Variants in GALNTL6 observed in about 807,000 individuals in gnomAD.
The protein encoded by GALNTL6 is polypeptide N-acetylgalactosaminyltransferase like 6, also known as polypeptide N-acetylgalactosaminyltransferase-like 6.
Under a neutral mutation model 73.7 loss-of-function variants are expected in GALNTL6, and 46 were observed. That is an observed-to-expected ratio of 0.62 (90% CI 0.49 to 0.80). The LOEUF is 0.80. Among genes scored for constraint, GALNTL6 ranks in the 30% least tolerant of loss-of-function variants. The pLI, the probability that GALNTL6 is intolerant of heterozygous loss-of-function variation, is 0.00. For synonymous variants in GALNTL6, 259 were observed against 263.7 expected, an observed-to-expected ratio of 0.98 and a Z score of 0.17; for missense variants, 604 against 755.0, an observed-to-expected ratio of 0.80 and a Z score of 2.34.
chr4:172,365,339 A>T (rs561544245), intron 5 of GALNTL6, among the ~76,000 whole-genome samples: 3 of 151,968 alleles, frequency 2.0e-5, no homozygotes, highest in East Asian at 3.9e-4. Flanking sequence ...TTATCTTAGA[A>T]TTGGAGTGTT....
At chr4:172,722,479 C>G (rs981316541) in intron 5 of GALNTL6, among the ~76,000 whole-genome samples, 3 of 152,130 alleles carry the variant, frequency 2.0e-5, no homozygotes, top group Non-Finnish European at 2.9e-5. Context: ...CACAAATCCA[C>G]TTTCATAAAA....
intron 10 of GALNTL6, among the ~76,000 whole-genome samples, chr4:172,957,058 T>C (rs180779399): frequency 4.9e-4 from 75 of 152,302 alleles, no homozygotes; most frequent in African/African-American, 1.5e-3. Flanking sequence ...CCAGTGAAAG[T>C]GTCTACCTAG....
chr4:172,476,007 T>C (rs1733217366), intron 5 of GALNTL6, among the ~76,000 whole-genome samples: 1 of 152,220 alleles, frequency 6.6e-6, no homozygotes, highest in Admixed American at 6.5e-5. Context: ...ATAACTGCAA[T>C]ACTATAAGTG....
intron 5 of GALNTL6, among the ~76,000 whole-genome samples, chr4:172,365,988 C>G (rs13101363): frequency 6.6e-6 from 1 of 151,860 alleles, no homozygotes. Flanking sequence ...TAACTTGAAA[C>G]CTGATGGTAG....
rs186716246 is a variant in GALNTL6, at chr4:172,619,017, C to T, written c.554-190344C>T. Among the ~76,000 whole-genome samples, 488 of 152,248 alleles carry T rather than the reference C, an allele frequency of 3.2e-3. 3 individuals carry two copies. Among genetic ancestry groups the T allele is most frequent in the African/African-American group, 0.011 (452 of 41,540 alleles). ...GATTACAGGCATGAGCCACAGCACCCGACCAATCACTAATTTTTTTTAGTG... is the reference window on the plus strand; with the variant it reads ...GATTACAGGCATGAGCCACAGCACCTGACCAATCACTAATTTTTTTTAGTG... On this transcript the variant is annotated intron_variant, in intron 5 of 12. Transcript: ENST00000506823.
rs570081857 is a variant in GALNTL6, at chr4:172,438,709, A to G, written c.553+90020A>G. ...CAGGTCTCATTTAAAATTTATGATC[A>G]GTAACCTCAAATGAGACATTAGTGT... On this transcript the variant is annotated intron_variant, in intron 5 of 12. Transcript: ENST00000506823. Among the ~76,000 whole-genome samples the G allele has an allele frequency of 1.4e-3, 220 of 151,966 alleles. 1 individual carries two copies. Among genetic ancestry groups the G allele is most frequent in the Non-Finnish European group, 2.9e-3 (198 of 67,948 alleles).
At chr4:172,260,948 G>A (rs1333354518) in intron 3 of GALNTL6, among the ~76,000 whole-genome samples, 4 of 151,466 alleles carry the variant, frequency 2.6e-5, no homozygotes, top group African/African-American at 9.7e-5. Context: ...TCCCTGGTGT[G>A]AAATCCACTT....
chr4:172,744,836 C>CGTGTGTGT (rs1393476051), intron 5 of GALNTL6, among the ~76,000 whole-genome samples: 2 of 78,774 alleles, frequency 2.5e-5, no homozygotes, highest in South Asian at 1.1e-3. Context: ...TAAGAGTGCG[C>CGTGTGTGT]GTGCGTGTGT....
At chr4:172,105,861 AAAT>A (rs1436992213) in intron 2 of GALNTL6, among the ~76,000 whole-genome samples, 1 of 152,180 alleles carries the variant, frequency 6.6e-6, no homozygotes, top group African/African-American at 2.4e-5. Context: ...AGAGTGAGCA[AAAT>A]AATGTTTAAA....
chr4:171,958,849 T>G (rs1739132317), intron 2 of GALNTL6, among the ~76,000 whole-genome samples: 1 of 152,144 alleles, frequency 6.6e-6, no homozygotes. Flanking sequence ...TATTCAGTTT[T>G]TAAAAGAAAA....
intron 5 of GALNTL6, among the ~76,000 whole-genome samples, chr4:172,352,089 A>G (rs998948525): frequency 6.6e-6 from 1 of 152,174 alleles, no homozygotes; most frequent in Non-Finnish European, 1.5e-5. Flanking sequence ...GTATATAGTA[A>G]TTGTTAAATT....
intron 2 of GALNTL6, among the ~76,000 whole-genome samples, chr4:171,941,113 A>T (rs969375011): frequency 4.6e-5 from 7 of 152,196 alleles, no homozygotes; most frequent in African/African-American, 1.7e-4. Flanking sequence ...AATAATAGCT[A>T]CATTTATGTA....
At chr4:172,685,011 T>G (rs1310550470) in intron 5 of GALNTL6, among the ~76,000 whole-genome samples, 2 of 152,224 alleles carry the variant, frequency 1.3e-5, no homozygotes, top group African/African-American at 4.8e-5. Context: ...GATTGTTACC[T>G]TGTACATATT....
chr4:172,105,360 A>C (rs1334333389), intron 2 of GALNTL6, among the ~76,000 whole-genome samples: 1 of 152,036 alleles, frequency 6.6e-6, no homozygotes, highest in African/African-American at 2.4e-5. Flanking sequence ...GAAGTAAATG[A>C]AATGCTCCAA....
intron 2 of GALNTL6, among the ~76,000 whole-genome samples, chr4:172,081,364 G>A (rs1381628471): frequency 6.6e-6 from 1 of 152,232 alleles, no homozygotes; most frequent in African/African-American, 2.4e-5. Context: ...ACCTGGGTGG[G>A]CATGGTGGCT....
chr4:172,382,753 A>G (rs530001748), intron 5 of GALNTL6, among the ~76,000 whole-genome samples: 2 of 152,202 alleles, frequency 1.3e-5, no homozygotes, highest in South Asian at 4.2e-4. Flanking sequence ...TTTAAATCCA[A>G]TTTAGGTTCA....
At chr4:172,498,387 G>C (rs1734143960) in intron 5 of GALNTL6, among the ~76,000 whole-genome samples, 1 of 151,656 alleles carries the variant, frequency 6.6e-6, no homozygotes. Flanking sequence ...TTACAAAGGT[G>C]GTCATTTAAA....
chr4:171,936,144 A>T (rs59565088), intron 2 of GALNTL6, among the ~76,000 whole-genome samples: 6,463 of 152,284 alleles, frequency 0.042, 395 homozygotes, highest in African/African-American at 0.14. Context: ...AGTAACGTGC[A>T]TACTAATGTG....
chr4:171,903,385 C>G (rs186150832), intron 2 of GALNTL6, among the ~76,000 whole-genome samples: 1,874 of 152,082 alleles, frequency 0.012, 45 homozygotes, highest in African/African-American at 0.043. Context: ...GGGTGATGGA[C>G]GGCACCTGGA....
Sources: allele counts gnomAD v4.1 joint callset (sites outside exome capture counted in the v4.1 genomes callset), GRCh38; gene constraint gnomAD v4.1.1; transcripts MANE v1.5; gene names NCBI Gene and HGNC (gene_info 2026-07-23, HGNC 2026-07-21).